The following RASA2 variants were observed in gnomAD, a reference collection of about 807,000 sequenced individuals.
RASA2 encodes the protein RAS p21 protein activator 2, also known as ras GTPase-activating protein 2.
RASA2 carries 155 observed loss-of-function variants against 118.2 expected under a neutral mutation model. That is an observed-to-expected ratio of 1.31 (90% CI 1.15 to 1.50). RASA2 has a LOEUF of 1.50. Ranked by LOEUF, RASA2 falls within the 40% of genes most tolerant of loss-of-function variation. The pLI, the probability that RASA2 is intolerant of heterozygous loss-of-function variation, is 0.00. For missense variants in RASA2, 1,016 were observed against 1,009.6 expected (o/e 1.01, Z -0.09); for synonymous variants, 353 against 349.1 (o/e 1.01, Z -0.12).
intron 5 of RASA2, among the ~76,000 whole-genome samples, chr3:141,553,284 T>C (rs1472009007): frequency 6.6e-6 from 1 of 152,170 alleles, no homozygotes; most frequent in East Asian, 1.9e-4. Flanking sequence ...CCACTTTCTT[T>C]TCCTTTTTAG....
intron 15 of RASA2, 126 bp from the exon 16 acceptor site, chr3:141,580,242 G>A (rs2083089600): frequency 1.6e-6 from 1 of 643,270 alleles, no homozygotes; most frequent in South Asian, 2.4e-5. Context: ...GATTTTAACT[G>A]TGTGTGTTTT....
At chr3:141,547,892 G>C (rs1163488713) in intron 5 of RASA2, among the ~76,000 whole-genome samples, 1 of 152,102 alleles carries the variant, frequency 6.6e-6, no homozygotes, top group Non-Finnish European at 1.5e-5. Flanking sequence ...TTATTATTAT[G>C]AAGGACTGTT....
At chr3:141,587,339 A>G (rs2083219709) in intron 19 of RASA2, among the ~76,000 whole-genome samples, 1 of 152,256 alleles carries the variant, frequency 6.6e-6, no homozygotes, top group African/African-American at 2.4e-5. Flanking sequence ...TGAGAGCTGC[A>G]GAGAGGCAAA....
At chr3:141,551,537 A>G (rs2082575199) in intron 5 of RASA2, among the ~76,000 whole-genome samples, 1 of 152,110 alleles carries the variant, frequency 6.6e-6, no homozygotes. Context: ...TCTTCCCTTT[A>G]GTACTCTGCC....
intron 19 of RASA2, among the ~76,000 whole-genome samples, chr3:141,595,243 C>G (rs2083348486): frequency 6.6e-6 from 1 of 152,134 alleles, no homozygotes; most frequent in East Asian, 1.9e-4. Context: ...AAAATGATAG[C>G]TTAAACCCAG....
chr3:141,564,889 A>G (rs564775690), intron 9 of RASA2, among the ~76,000 whole-genome samples: 1 of 152,346 alleles, frequency 6.6e-6, no homozygotes, highest in East Asian at 1.9e-4. Flanking sequence ...TACTTATGCC[A>G]CTTGACTATA....
intron 3 of RASA2, among the ~76,000 whole-genome samples, chr3:141,518,320 T>C (rs1177931135): frequency 1.3e-5 from 2 of 150,866 alleles, no homozygotes; most frequent in African/African-American, 4.9e-5. Context: ...CTGTCTCTAC[T>C]AAAAATACAA....
intron 9 of RASA2, among the ~76,000 whole-genome samples, chr3:141,561,118 A>G (rs2082723823): frequency 6.6e-6 from 1 of 152,204 alleles, no homozygotes; most frequent in African/African-American, 2.4e-5. Context: ...ACTATGAAAA[A>G]TTGATGAAGA....
intron 1 of RASA2, among the ~76,000 whole-genome samples, chr3:141,494,471 C>T (rs1326236345): frequency 2.0e-5 from 3 of 152,174 alleles, no homozygotes; most frequent in South Asian, 2.1e-4. Context: ...CGGGTTCAAG[C>T]GATTCTCCTG....
chr3:141,568,423 A>G (rs996381767), intron 9 of RASA2, among the ~76,000 whole-genome samples: 1 of 152,080 alleles, frequency 6.6e-6, no homozygotes, highest in Non-Finnish European at 1.5e-5. Flanking sequence ...GGTCCATAGT[A>G]GGTAGTTAAC....
chr3:141,569,038 A>G (rs995722715), intron 9 of RASA2, among the ~76,000 whole-genome samples: 21 of 152,260 alleles, frequency 1.4e-4, no homozygotes, highest in Admixed American at 2.6e-4. Flanking sequence ...GAATATACTA[A>G]TAAAAGACAT....
intron 1 of RASA2, among the ~76,000 whole-genome samples, chr3:141,501,007 C>A (rs895955074): frequency 1.3e-5 from 2 of 152,170 alleles, no homozygotes; most frequent in African/African-American, 4.8e-5. Context: ...TAGTAAGATA[C>A]ACCTGTCTGC....
intron 1 of RASA2, among the ~76,000 whole-genome samples, chr3:141,503,024 AT>A (rs1241134985): frequency 6.6e-6 from 1 of 151,778 alleles, no homozygotes; most frequent in East Asian, 1.9e-4. Context: ...ATGTAACTGA[AT>A]TTTTTTTTCT....
In RASA2 at chr3:141,529,769, A is replaced by T; in HGVS notation, c.417A>T (p.Ser139=). 14 of 1,611,976 alleles carry T rather than the reference A, an allele frequency of 8.7e-6. No individual in the cohort carries two copies. Among genetic ancestry groups the T allele is most frequent in the Non-Finnish European group, 1.2e-5 (14 of 1,178,388 alleles). Residue 139 remains serine, a synonymous_variant, in exon 4 of 24, where the codon TCA becomes TCT. Coordinates refer to ENST00000286364, the MANE Select transcript of RASA2 (RefSeq NM_006506.5). ...CNHSGKETWF[S]LQPVDSNSEV... The stretch of plus-strand genomic sequence containing the variant: ...ACAGTGGCAAAGAAACTTGGTTTTC[A>T]TTACAGCCTGTTGACTCCAATTCAG...
intron 5 of RASA2, among the ~76,000 whole-genome samples, chr3:141,543,810 G>A (rs2151104859): frequency 6.7e-6 from 1 of 149,872 alleles, no homozygotes; most frequent in Non-Finnish European, 1.5e-5. Flanking sequence ...GTTTTTCTCT[G>A]GCTTCTTTTA....
At chr3:141,528,920 T>TGTA (rs1452712724) in intron 3 of RASA2, among the ~76,000 whole-genome samples, 2 of 152,000 alleles carry the variant, frequency 1.3e-5, no homozygotes, top group African/African-American at 4.8e-5. Flanking sequence ...GAAACTTTTG[T>TGTA]GTAGAATCCT....
rs1406032171 is a variant in RASA2, at chr3:141,613,750, G to A, written c.*1437G>A. 1.3e-5 allele frequency: 2 copies of A among 152,030 alleles called. No homozygotes were observed. The highest frequency in any genetic ancestry group is 4.8e-5 in the African/African-American group (2 of 41,406). 9.4% of individuals were successfully genotyped at this position (152,030 alleles called of 1,614,324 possible). The stretch of plus-strand genomic sequence containing the variant: ...TGGGTAATCATTTTTAAATTATATT[G>A]TTATTAGGTAATTATTTTTAAAGAC... On this transcript the variant is annotated 3_prime_UTR_variant, in exon 24 of 24. Transcript: ENST00000286364.
At chr3:141,562,113 G>A (rs1221582013) in intron 9 of RASA2, among the ~76,000 whole-genome samples, 2 of 151,454 alleles carry the variant, frequency 1.3e-5, no homozygotes, top group South Asian at 4.2e-4. Flanking sequence ...CCACCATGCC[G>A]AGCTAATTTT....
intron 1 of RASA2, among the ~76,000 whole-genome samples, chr3:141,496,830 A>G (rs2081709451): frequency 6.6e-6 from 1 of 152,196 alleles, no homozygotes; most frequent in African/African-American, 2.4e-5. Context: ...TACCCAAAGG[A>G]TTATAAATCA....
Sources: allele counts gnomAD v4.1 joint callset (sites outside exome capture counted in the v4.1 genomes callset), GRCh38; gene constraint gnomAD v4.1.1; transcripts MANE v1.5; gene names NCBI Gene and HGNC (gene_info 2026-07-23, HGNC 2026-07-21).